The following FAM151B variants were observed in gnomAD, a reference collection of about 807,000 sequenced individuals.
FAM151B encodes the protein protein FAM151B.
In FAM151B, 24 loss-of-function variants were observed where a neutral mutation model predicts 31.2. That is an observed-to-expected ratio of 0.77 (90% CI 0.56 to 1.08). The LOEUF (loss-of-function observed/expected upper bound fraction) is 1.08, where lower values mean the gene tolerates loss of function less well. Ranked by LOEUF, FAM151B falls within the 50% of genes least tolerant of loss-of-function variation. The pLI, the probability that FAM151B is intolerant of heterozygous loss-of-function variation, is 0.00. For missense variants in FAM151B, 293 were observed against 328.6 expected (o/e 0.89, Z 0.84); for synonymous variants, 105 against 111.4 (o/e 0.94, Z 0.36).
rs565059115 is a variant in FAM151B at position 80,488,578 on chromosome 5, G to C, written c.25+430G>C. Among the ~76,000 whole-genome samples the C allele has an allele frequency of 2.6e-5, 4 of 152,356 alleles. No homozygotes were observed. In the East Asian group the frequency reaches 7.7e-4, roughly 29 times the overall value. On this transcript the variant is annotated intron_variant, in intron 1 of 5. Transcript: ENST00000282226. The stretch of plus-strand genomic sequence containing the variant: ...GTCCCGCTGCTGAGCGCGCTGCCTG[G>C]AAAGCTGGCAGAGTGTGCGGCTCGC...
chr5:80,517,953 T>A (rs1390760350), intron 3 of FAM151B, among the ~76,000 whole-genome samples: 1 of 151,590 alleles, frequency 6.6e-6, no homozygotes, highest in Non-Finnish European at 1.5e-5. Context: ...ATGCCTATAG[T>A]CCCAGCTACT....
chr5:80,519,673 A>T lies in FAM151B; in HGVS notation c.318-20A>T, dbSNP rs142948519. 6.5e-5 allele frequency: 105 copies of T among 1,605,614 alleles called. No individual in the cohort carries two copies. The highest frequency in any genetic ancestry group is 8.8e-5 in the Non-Finnish European group (103 of 1,174,264). ...TTTACCTAAAGAATCTATCTCATTG[A>T]CAACAAATTATGTTTTTAGTCTGGC... is the stretch of plus-strand genomic sequence containing the variant. On this transcript the variant is annotated intron_variant, in intron 3 of 5. Transcript: ENST00000282226.
At chr5:80,531,841 G>T (rs1745257532) in intron 5 of FAM151B, among the ~76,000 whole-genome samples, 1 of 152,138 alleles carries the variant, frequency 6.6e-6, no homozygotes, top group South Asian at 2.1e-4. Flanking sequence ...ATTCCTCAAG[G>T]ATCTAGAACT....
At position 80,521,958 on chromosome 5, in the gene FAM151B, C is replaced by T. The variant is rs534823766; in HGVS notation, c.536-45C>T. On this transcript the variant is annotated intron_variant, in intron 4 of 5. Coordinates refer to ENST00000282226, the MANE Select transcript of FAM151B (RefSeq NM_205548.3). ...TTTAGTCTTTTATTTAATTGTCTTT[C>T]AAGATTTCAATCAATAAAGTTAAAT... The T allele has an allele frequency of 9.8e-6, 14 of 1,424,358 alleles. No individual in the cohort carries two copies. In the African/African-American group the frequency reaches 1.5e-4, roughly 16 times the overall value. The allele number at this position is 1,424,358 out of a possible 1,614,324, so 88.2% of individuals were successfully genotyped here.
intron 5 of FAM151B, among the ~76,000 whole-genome samples, chr5:80,536,463 A>G (rs1320264059): frequency 6.6e-6 from 1 of 152,114 alleles, no homozygotes; most frequent in Admixed American, 6.5e-5. Context: ...GGTGTGAGCC[A>G]CCGTGCCCAG....
At chr5:80,501,070 G>A (rs1743722375) in intron 1 of FAM151B, 2 of 444,892 alleles carry the variant, frequency 4.5e-6, no homozygotes, top group East Asian at 4.7e-5. Flanking sequence ...CTGGAGTGCA[G>A]TGGCATGATC....
At chr5:80,515,206 C>G (rs1402735194) in intron 3 of FAM151B, among the ~76,000 whole-genome samples, 1 of 151,966 alleles carries the variant, frequency 6.6e-6, no homozygotes, top group South Asian at 2.1e-4. Flanking sequence ...CGCCACGGCA[C>G]TCCAGCCTCG....
At position 80,512,274 on chromosome 5, in the gene FAM151B, G is replaced by A. The variant is rs201183900; in HGVS notation, c.152-1330G>A. On this transcript the variant is annotated intron_variant, in intron 2 of 5. Transcript: ENST00000282226. ...CTGATCTTGTCAAAAGACTTAGGTT[G>A]TTCATCAAGTTATTTCAGATGACTG... is the stretch of plus-strand genomic sequence containing the variant. 7.9e-5 allele frequency among the ~76,000 whole-genome samples: 12 copies of A among 152,236 alleles called. No homozygotes were observed. The East Asian group carries it at 1.9e-3, about 24-fold the overall frequency.
chr5:80,533,660 G>T (rs406242), intron 5 of FAM151B, among the ~76,000 whole-genome samples: 7,090 of 138,568 alleles, frequency 0.051, 239 homozygotes, highest in Middle Eastern at 0.093. Context: ...TGATGCAGGA[G>T]AATCAGTTGA....
chr5:80,538,990 CTCTTT>C (rs1745740511), intron 5 of FAM151B, among the ~76,000 whole-genome samples: 1 of 102,472 alleles, frequency 9.8e-6, no homozygotes, highest in Non-Finnish European at 1.9e-5. Flanking sequence ...CTTTTCCTTC[CTCTTT>C]TTTTTTTTTT....
chr5:80,501,748 T>G, intron 1 of FAM151B, 44 bp from the exon 2 acceptor site: 2 of 1,492,660 alleles, frequency 1.3e-6, no homozygotes, highest in Non-Finnish European at 1.8e-6. Flanking sequence ...AATTTTACCC[T>G]ATAAAAAACA....
At chr5:80,524,996 T>C (rs943605323) in intron 5 of FAM151B, among the ~76,000 whole-genome samples, 1 of 152,184 alleles carries the variant, frequency 6.6e-6, no homozygotes, top group Non-Finnish European at 1.5e-5. Context: ...TGTTTCATCA[T>C]AGAGAGCATT....
At chr5:80,516,051 G>C (rs1474822077) in intron 3 of FAM151B, among the ~76,000 whole-genome samples, 2 of 152,146 alleles carry the variant, frequency 1.3e-5, no homozygotes, top group Non-Finnish European at 2.9e-5. Context: ...TTGGCTGGGC[G>C]CAGTGGCTCA....
chr5:80,520,926 C>T (rs1410316563), intron 4 of FAM151B, among the ~76,000 whole-genome samples: 2 of 147,642 alleles, frequency 1.4e-5, no homozygotes, highest in East Asian at 2.1e-4. Flanking sequence ...AAGTGATTCT[C>T]GTGCATCAAC....
intron 5 of FAM151B, among the ~76,000 whole-genome samples, chr5:80,528,446 G>A (rs747710161): frequency 1.2e-4 from 18 of 151,880 alleles, no homozygotes; most frequent in Non-Finnish European, 2.4e-4. Flanking sequence ...AAAAAAGAGC[G>A]AGACTCATCA....
chr5:80,532,894 T>C (rs1449409870), intron 5 of FAM151B, among the ~76,000 whole-genome samples: 1 of 152,150 alleles, frequency 6.6e-6, no homozygotes, highest in Non-Finnish European at 1.5e-5. Context: ...TGCTCCTGAA[T>C]GGCCAGTGGG....
At chr5:80,498,480 G>T in intron 1 of FAM151B, 1 of 657,994 alleles carries the variant, frequency 1.5e-6, no homozygotes, top group African/African-American at 1.8e-5. Flanking sequence ...GTTTTTTGGG[G>T]GGCTTTTAAA....
Position 80,541,967 on chromosome 5 carries a change from C to CCCACAGAG in FAM151B, c.*135_*136insCCACAGAG. On this transcript the variant is annotated 3_prime_UTR_variant, in exon 6 of 6. Coordinates refer to ENST00000282226, the MANE Select transcript of FAM151B (RefSeq NM_205548.3). ...CTAATCAAGAAACGTTTATTGTATG[C>CCCACAGAG]TTACTCTGTGGGCATATGTCCTTAT... 1.3e-5 allele frequency: 12 copies of CCCACAGAG among 931,484 alleles called. No individual in the cohort carries two copies. Among genetic ancestry groups the CCCACAGAG allele is most frequent in the Non-Finnish European group, 1.7e-5 (11 of 630,940 alleles). 57.7% of individuals were successfully genotyped at this position (931,484 alleles called of 1,614,324 possible).
chr5:80,529,010 A>G (rs1297324883), intron 5 of FAM151B, among the ~76,000 whole-genome samples: 1 of 152,218 alleles, frequency 6.6e-6, no homozygotes, highest in Non-Finnish European at 1.5e-5. Flanking sequence ...CACCAAATGT[A>G]AAAGAACAGA....
Sources: gnomAD v4.1 joint callset for allele counts (sites outside exome capture counted in the v4.1 genomes callset) on GRCh38, gnomAD v4.1.1 for gene constraint, MANE v1.5 for transcripts, NCBI Gene and HGNC (gene_info 2026-07-23, HGNC 2026-07-21) for gene names.